IPO11: variants seen among roughly 807,000 people sequenced by gnomAD.
The protein encoded by IPO11 is importin 11, also known as importin-11.
In IPO11, 66 loss-of-function variants were observed where a neutral mutation model predicts 143.2. That is an observed-to-expected ratio of 0.46 (90% CI 0.38 to 0.57). The LOEUF is 0.57. Ranked by LOEUF, IPO11 falls within the 20% of genes least tolerant of loss-of-function variation. The pLI is 0.00. For synonymous variants in IPO11, 385 were observed against 377.8 expected, an observed-to-expected ratio of 1.02 and a Z score of -0.22; for missense variants, 1,026 against 1,141.0, an observed-to-expected ratio of 0.90 and a Z score of 1.45.
At chr5:62,413,900 C>T (rs1479308618) in intron 1 of IPO11, among the ~76,000 whole-genome samples, 4 of 152,360 alleles carry the variant, frequency 2.6e-5, no homozygotes, top group Non-Finnish European at 1.5e-5. Context: ...CATATTACAT[C>T]TTTCATCACT....
chr5:62,596,267 T>TGAAAAAA (rs1745211730), intron 28 of IPO11, among the ~76,000 whole-genome samples: 1 of 20,912 alleles, frequency 4.8e-5, no homozygotes, highest in Admixed American at 4.0e-4. Flanking sequence ...AGGCCCTGTC[T>TGAAAAAA]CAAAAAAAAA....
At chr5:62,548,067 ATGTATTGATACTGCCTTTGCACTTC>A (rs547365031) in intron 24 of IPO11, among the ~76,000 whole-genome samples, 4,142 of 152,136 alleles carry the variant, frequency 0.027, 186 homozygotes, top group African/African-American at 0.092. Flanking sequence ...TGTAGGCAGT[ATGTATTGATACTGCCTTTGCACTTC>A]CTCTGTGCCT....
At chr5:62,625,575 T>C (rs539077431) in intron 29 of IPO11, among the ~76,000 whole-genome samples, 1 of 152,342 alleles carries the variant, frequency 6.6e-6, no homozygotes, top group Admixed American at 6.5e-5. Context: ...TGGAAATACT[T>C]CTTAAATGAT....
chr5:62,516,075 C>T (rs563315341), intron 20 of IPO11, among the ~76,000 whole-genome samples: 52 of 152,182 alleles, frequency 3.4e-4, no homozygotes, highest in African/African-American at 1.2e-3. Context: ...GAGCTCAAGG[C>T]CGTGAGTTAG....
rs543591090 is a variant in IPO11 at position 62,516,541 on chromosome 5, A to G, written c.1896+1040A>G. Among the ~76,000 whole-genome samples, 37 of 152,054 alleles carry G rather than the reference A, an allele frequency of 2.4e-4. 1 individual carries two copies. On this transcript the variant is annotated intron_variant, in intron 20 of 29. Coordinates refer to ENST00000325324, the MANE Select transcript of IPO11 (RefSeq NM_016338.5). ...ACTCCTGACCTCAAGTGATCCGCCC[A>G]CCTCAGGCTCCCAAAGTGCTAGGAT...
At chr5:62,583,719 T>C (rs995879427) in intron 27 of IPO11, among the ~76,000 whole-genome samples, 1 of 152,214 alleles carries the variant, frequency 6.6e-6, no homozygotes, top group African/African-American at 2.4e-5. Flanking sequence ...AAAAAACTTA[T>C]TTAAGGTATA....
At chr5:62,580,845 G>A in intron 27 of IPO11, 11 of 1,551,354 alleles carry the variant, frequency 7.1e-6, no homozygotes, top group Non-Finnish European at 9.6e-6. Context: ...TTTTTCAAGA[G>A]AATGCCTTTG....
intron 27 of IPO11, among the ~76,000 whole-genome samples, chr5:62,587,413 GA>G (rs1744836635): frequency 6.6e-6 from 1 of 152,018 alleles, no homozygotes; most frequent in Non-Finnish European, 1.5e-5. Flanking sequence ...GTGTAGAAAG[GA>G]TGTATGTTTC....
Position 62,412,773 on chromosome 5 carries a change from G to A in IPO11, c.-163G>A, listed in dbSNP as rs994407797. The A allele has an allele frequency of 6.5e-6, 1 of 152,768 alleles. No individual in the cohort carries two copies. Among genetic ancestry groups the A allele is most frequent in the Non-Finnish European group, 1.5e-5 (1 of 68,080 alleles). The allele number at this position is 152,768 out of a possible 1,614,324, so 9.5% of individuals were successfully genotyped here. Reference sequence around the variant, plus strand: ...TTTTCGCGCGTCCGCGTCGTTTGGAGCTGCGACGCCAAACATGGCGTGTTC... The same window carrying A: ...TTTTCGCGCGTCCGCGTCGTTTGGAACTGCGACGCCAAACATGGCGTGTTC... On this transcript the variant is annotated 5_prime_UTR_variant, in exon 1 of 30. Transcript: ENST00000325324.
chr5:62,497,961 T>C (rs577988601), intron 16 of IPO11, among the ~76,000 whole-genome samples: 152 of 152,330 alleles, frequency 1.0e-3, no homozygotes, highest in African/African-American at 3.5e-3. Flanking sequence ...CATGTGGACC[T>C]GTTTCTGGAA....
chr5:62,523,379 GA>G (rs1402668936), intron 20 of IPO11, among the ~76,000 whole-genome samples: 2 of 152,132 alleles, frequency 1.3e-5, no homozygotes, highest in African/African-American at 4.8e-5. Flanking sequence ...TGTATAGGGG[GA>G]ACTGGTCAGG....
At chr5:62,487,117 G>A (rs1746434740) in intron 12 of IPO11, among the ~76,000 whole-genome samples, 1 of 152,140 alleles carries the variant, frequency 6.6e-6, no homozygotes, top group East Asian at 1.9e-4. Flanking sequence ...AGCATGCAAT[G>A]TGAAATGATT....
chr5:62,438,747 C>G (rs945885974), intron 2 of IPO11, among the ~76,000 whole-genome samples: 1 of 139,252 alleles, frequency 7.2e-6, no homozygotes, highest in East Asian at 2.2e-4. Flanking sequence ...AACGAAACTC[C>G]ATCTCAAAAA....
intron 21 of IPO11, chr5:62,526,873 G>A (rs966943842): frequency 6.6e-6 from 1 of 152,174 alleles, no homozygotes; most frequent in Non-Finnish European, 1.5e-5. Flanking sequence ...TACATGAAAA[G>A]TTTCAAAATC....
At chr5:62,472,355 C>G (rs1043798906) in intron 7 of IPO11, among the ~76,000 whole-genome samples, 1 of 152,052 alleles carries the variant, frequency 6.6e-6, no homozygotes, top group Non-Finnish European at 1.5e-5. Flanking sequence ...TTTGCACTGG[C>G]TGTCATCGAT....
chr5:62,506,871 G>A (rs1263789895), intron 19 of IPO11, among the ~76,000 whole-genome samples: 2 of 152,140 alleles, frequency 1.3e-5, no homozygotes, highest in African/African-American at 4.8e-5. Flanking sequence ...AATTATCGTT[G>A]TGACTTCCTA....
intron 15 of IPO11, among the ~76,000 whole-genome samples, chr5:62,491,816 C>T (rs1288042343): frequency 6.6e-6 from 1 of 151,912 alleles, no homozygotes; most frequent in Non-Finnish European, 1.5e-5. Flanking sequence ...CAGGTGCCCG[C>T]CACCATGCCC....
At chr5:62,466,745 A>G (rs1406377148) in intron 5 of IPO11, among the ~76,000 whole-genome samples, 2 of 152,268 alleles carry the variant, frequency 1.3e-5, no homozygotes, top group African/African-American at 4.8e-5. Context: ...ATATCTTCAT[A>G]TATTGATTTA....
chr5:62,606,967 T>G (rs142605412), intron 29 of IPO11, among the ~76,000 whole-genome samples: 80 of 152,362 alleles, frequency 5.3e-4, no homozygotes, highest in African/African-American at 1.9e-3. Context: ...TAACAAATCC[T>G]GAGCATGGCT....
Sources: allele counts gnomAD v4.1 joint callset (sites outside exome capture counted in the v4.1 genomes callset), GRCh38; gene constraint gnomAD v4.1.1; transcripts MANE v1.5; gene names NCBI Gene and HGNC (gene_info 2026-07-23, HGNC 2026-07-21).